CDH8: variants seen among roughly 807,000 people sequenced by gnomAD.
CDH8 encodes cadherin-8.
Under a neutral mutation model 68.1 loss-of-function variants are expected in CDH8, and 17 were observed. That is an observed-to-expected ratio of 0.25 (90% CI 0.17 to 0.37). The LOEUF (loss-of-function observed/expected upper bound fraction) is 0.37, where lower values mean the gene tolerates loss of function less well. CDH8 is among the 10% of genes least tolerant of loss of function. The pLI is 1.00. For missense variants in CDH8, 763 were observed against 999.3 expected (o/e 0.76, Z 3.19); for synonymous variants, 372 against 365.1 (o/e 1.02, Z -0.21).
chr16:61,657,929 A>AT (rs1963480197), intron 10 of CDH8, among the ~76,000 whole-genome samples: 1 of 152,012 alleles, frequency 6.6e-6, no homozygotes, highest in Non-Finnish European at 1.5e-5. Context: ...TTCTATAAAT[A>AT]TTTTTTTACT....
At chr16:61,704,826 C>T (rs547081790) in intron 10 of CDH8, among the ~76,000 whole-genome samples, 9 of 152,082 alleles carry the variant, frequency 5.9e-5, no homozygotes, top group Non-Finnish European at 1.0e-4. Flanking sequence ...TAGCATGAAC[C>T]CACTCATTTT....
intron 1 of CDH8, among the ~76,000 whole-genome samples, chr16:62,035,317 G>A (rs1211763066): frequency 6.6e-6 from 1 of 152,168 alleles, no homozygotes; most frequent in Non-Finnish European, 1.5e-5. Context: ...CCCTAGGAGA[G>A]CGGCTACGGA....
intron 2 of CDH8, among the ~76,000 whole-genome samples, chr16:61,923,046 G>T (rs1964396419): frequency 1.3e-5 from 2 of 152,070 alleles, no homozygotes; most frequent in Admixed American, 1.3e-4. Flanking sequence ...AAATATAATT[G>T]CCCACCTTCT....
intron 2 of CDH8, among the ~76,000 whole-genome samples, chr16:62,001,389 T>A (rs1383474348): frequency 6.6e-6 from 1 of 152,130 alleles, no homozygotes; most frequent in East Asian, 1.9e-4. Flanking sequence ...ATTCAGCTAA[T>A]CCAAGGCAAC....
chr16:61,787,966 A>G (rs1386968122), intron 8 of CDH8, among the ~76,000 whole-genome samples: 2 of 146,630 alleles, frequency 1.4e-5, no homozygotes, highest in East Asian at 2.1e-4. Flanking sequence ...GAGGGATAGC[A>G]TTGGAAGATA....
chr16:61,813,521 A>G (rs568418048), intron 7 of CDH8, among the ~76,000 whole-genome samples: 2 of 152,302 alleles, frequency 1.3e-5, no homozygotes, highest in East Asian at 3.9e-4. Context: ...GAACTGGCCC[A>G]GGGCTGTGTC....
intron 2 of CDH8, among the ~76,000 whole-genome samples, chr16:61,985,386 G>T (rs947475213): frequency 3.3e-5 from 5 of 152,182 alleles, no homozygotes; most frequent in African/African-American, 9.6e-5. Flanking sequence ...GTAGCTAATT[G>T]CTGGCATAGT....
At chr16:61,656,152 G>A (rs1963443914) in intron 10 of CDH8, among the ~76,000 whole-genome samples, 1 of 152,216 alleles carries the variant, frequency 6.6e-6, no homozygotes, top group African/African-American at 2.4e-5. Context: ...GGGTACAGGC[G>A]TGAGCCACTG....
At chr16:61,945,966 T>G (rs1336223465) in intron 2 of CDH8, among the ~76,000 whole-genome samples, 1 of 152,218 alleles carries the variant, frequency 6.6e-6, no homozygotes, top group Non-Finnish European at 1.5e-5. Flanking sequence ...CAAAGGATGC[T>G]TTGTGATTTC....
intron 8 of CDH8, among the ~76,000 whole-genome samples, chr16:61,770,159 A>G (rs923216933): frequency 2.0e-5 from 3 of 151,916 alleles, no homozygotes; most frequent in African/African-American, 4.8e-5. Flanking sequence ...CCATCTAAAC[A>G]TTGTTATGAG....
intron 10 of CDH8, among the ~76,000 whole-genome samples, chr16:61,672,295 A>G (rs570440379): frequency 1.2e-4 from 19 of 152,202 alleles, no homozygotes; most frequent in African/African-American, 3.9e-4. Flanking sequence ...TGAAAGGCTT[A>G]TATTAGGTGC....
rs150309920 is a variant in CDH8, at chr16:61,973,848, A to G, written c.252+47304T>C. 7.1e-4 allele frequency among the ~76,000 whole-genome samples: 108 copies of G among 152,364 alleles called. 1 individual carries two copies. The highest frequency in any genetic ancestry group is 2.5e-3 in the African/African-American group (105 of 41,588). On this transcript the variant is annotated intron_variant, in intron 2 of 11. Coordinates refer to ENST00000577390, the MANE Select transcript of CDH8 (RefSeq NM_001796.5). ...TCTACACTGACTTAACACTTTTCCA[A>G]GAACTACATGTAACCTCATGTTCCC...
At chr16:62,004,183 C>G in intron 2 of CDH8, among the ~76,000 whole-genome samples, 1 of 152,144 alleles carries the variant, frequency 6.6e-6, no homozygotes, top group Non-Finnish European at 1.5e-5. Context: ...AATATTTAGT[C>G]CCCACTCAGT....
At chr16:61,947,412 A>G (rs1359201056) in intron 2 of CDH8, among the ~76,000 whole-genome samples, 1 of 152,184 alleles carries the variant, frequency 6.6e-6, no homozygotes, top group Non-Finnish European at 1.5e-5. Flanking sequence ...ACATGGATTC[A>G]TCAAACCTGT....
intron 2 of CDH8, among the ~76,000 whole-genome samples, chr16:61,968,355 T>C (rs1201325830): frequency 6.6e-6 from 1 of 152,172 alleles, no homozygotes; most frequent in African/African-American, 2.4e-5. Context: ...TTCACTGCAA[T>C]CTTACAGCTT....
At chr16:61,686,553 C>A (rs1964112109) in intron 10 of CDH8, among the ~76,000 whole-genome samples, 2 of 151,922 alleles carry the variant, frequency 1.3e-5, no homozygotes, top group Non-Finnish European at 2.9e-5. Flanking sequence ...ACTAGATATT[C>A]CTGCTGTGTA....
intron 5 of CDH8, 94 bp from the exon 6 acceptor site, chr16:61,821,207 G>T (rs1467386917): frequency 3.4e-6 from 3 of 873,614 alleles, no homozygotes; most frequent in Non-Finnish European, 5.3e-6. Context: ...CTTTGTTCTG[G>T]GCATTCCTAT....
chr16:61,881,657 T>G (rs556118343), intron 3 of CDH8, among the ~76,000 whole-genome samples: 1 of 152,314 alleles, frequency 6.6e-6, no homozygotes, highest in East Asian at 1.9e-4. Context: ...AAACTGACAT[T>G]TATTGAAATA....
intron 3 of CDH8, among the ~76,000 whole-genome samples, chr16:61,879,865 A>G (rs1963536367): frequency 6.6e-6 from 1 of 151,966 alleles, no homozygotes; most frequent in Admixed American, 6.6e-5. Flanking sequence ...TAATCAATCA[A>G]TTAATTGTAT....
Sources: gnomAD v4.1 joint callset for allele counts (sites outside exome capture counted in the v4.1 genomes callset) on GRCh38, gnomAD v4.1.1 for gene constraint, MANE v1.5 for transcripts, NCBI Gene and HGNC (gene_info 2026-07-23, HGNC 2026-07-21) for gene names.